SLC44A5: variants seen among roughly 807,000 people sequenced by gnomAD.
The protein encoded by SLC44A5 is choline transporter-like protein 5.
Under a neutral mutation model 101.8 loss-of-function variants are expected in SLC44A5, and 57 were observed. That is an observed-to-expected ratio of 0.56 (90% CI 0.45 to 0.70). SLC44A5 has a LOEUF of 0.70. Ranked by LOEUF, SLC44A5 falls within the 30% of genes least tolerant of loss-of-function variation. The pLI is 0.00. For synonymous variants in SLC44A5, 281 were observed against 290.9 expected (o/e 0.97, Z 0.35); for missense variants, 737 against 853.1 (o/e 0.86, Z 1.70).
intron 2 of SLC44A5, among the ~76,000 whole-genome samples, chr1:75,443,068 A>G (rs961254462): frequency 6.6e-6 from 1 of 152,178 alleles, no homozygotes; most frequent in Non-Finnish European, 1.5e-5. Context: ...TGTGAAAGCA[A>G]TACTTTGAGG....
intron 6 of SLC44A5, among the ~76,000 whole-genome samples, chr1:75,268,372 T>C (rs1651179502): frequency 6.6e-6 from 1 of 152,098 alleles, no homozygotes; most frequent in African/African-American, 2.4e-5. Context: ...CACCAGTCAT[T>C]CTCTGTTAGG....
At chr1:75,442,754 T>C (rs776885062) in intron 2 of SLC44A5, among the ~76,000 whole-genome samples, 6 of 152,120 alleles carry the variant, frequency 3.9e-5, no homozygotes, top group Non-Finnish European at 8.8e-5. Context: ...TTCCCCCTAC[T>C]GCAAAACCCT....
intron 4 of SLC44A5, among the ~76,000 whole-genome samples, chr1:75,310,693 CAAAT>C (rs778273248): frequency 6.6e-6 from 1 of 152,030 alleles, no homozygotes; most frequent in Non-Finnish European, 1.5e-5. Flanking sequence ...ATGGATTGTG[CAAAT>C]AATATGGGCT....
intron 2 of SLC44A5, among the ~76,000 whole-genome samples, chr1:75,429,997 G>A (rs548066660): frequency 3.4e-4 from 52 of 152,268 alleles, no homozygotes; most frequent in Non-Finnish European, 6.2e-4. Context: ...GTCTCACAGA[G>A]CTTTCTAATA....
chr1:75,480,108 C>T (rs1381218957), intron 2 of SLC44A5, among the ~76,000 whole-genome samples: 2 of 152,160 alleles, frequency 1.3e-5, no homozygotes, highest in Non-Finnish European at 2.9e-5. Flanking sequence ...ATATGCAAAT[C>T]AATAAATGTA....
In SLC44A5 at chr1:75,500,908, T is replaced by C. The variant is rs556309561; in HGVS notation, c.13+40527A>G. ...AGTTGTATGGCCTTGAACAAATCGA[T>C]GTATCATCTTGAAACCTCTTTGTTC... is the stretch of plus-strand genomic sequence containing the variant. On this transcript the variant is annotated intron_variant, in intron 2 of 23. Transcript: ENST00000370859. 7.2e-5 allele frequency among the ~76,000 whole-genome samples: 11 copies of C among 152,310 alleles called. No individual in the cohort carries two copies. The East Asian group carries it at 1.9e-3, about 27-fold the overall frequency.
At chr1:75,308,665 G>C (rs1037011259) in intron 4 of SLC44A5, among the ~76,000 whole-genome samples, 2 of 152,154 alleles carry the variant, frequency 1.3e-5, no homozygotes, top group Non-Finnish European at 2.9e-5. Flanking sequence ...GCTCTAGATA[G>C]CTTTGGGACA....
chr1:75,227,803 AC>A lies in SLC44A5; in HGVS notation c.907del (p.Val303TyrfsTer2). ...YTNLQERPSSVLTIYDIGIQT... is the reference protein window; with the variant it reads ...YTNLQERPSSXLTIYDIGIQT... Reference sequence around the variant, plus strand: ...AATCCCGATGTCATAGATAGTTAATACAGAACTTGGGCGTTCCTGAAGATTG... The same window carrying A: ...AATCCCGATGTCATAGATAGTTAATAAGAACTTGGGCGTTCCTGAAGATTG... On this transcript the variant is annotated frameshift_variant, in exon 13 of 24. Coordinates refer to ENST00000370859, the MANE Select transcript of SLC44A5 (RefSeq NM_001130058.2). LOFTEE classifies it high-confidence loss of function. The A allele has an allele frequency of 1.2e-6, 2 of 1,600,348 alleles. No homozygotes were observed. The highest frequency in any genetic ancestry group is 8.5e-7 in the Non-Finnish European group (1 of 1,176,346).
At chr1:75,557,528 G>C (rs114596177) in intron 1 of SLC44A5, among the ~76,000 whole-genome samples, 1 of 152,096 alleles carries the variant, frequency 6.6e-6, no homozygotes, top group African/African-American at 2.4e-5. Flanking sequence ...CATCTAGAAA[G>C]TTCTCTGGTG....
the SLC44A5 span, among the ~76,000 whole-genome samples, chr1:75,692,723 G>A: frequency 2.6e-5 from 4 of 152,010 alleles, no homozygotes; most frequent in Admixed American, 2.6e-4. Context: ...ACGAGAGAAG[G>A]GAGAGAAAAA....
At chr1:75,213,043 T>C (rs987534396) in intron 22 of SLC44A5, among the ~76,000 whole-genome samples, 14 of 152,256 alleles carry the variant, frequency 9.2e-5, no homozygotes, top group South Asian at 4.1e-4. Context: ...CATACAAAGG[T>C]CCAGCCTCTT....
Position 75,222,348 on chromosome 1 carries a change from T to C in SLC44A5, c.1085+13A>G. The C allele has an allele frequency of 3.1e-6, 5 of 1,594,704 alleles. No individual in the cohort carries two copies. The highest frequency in any genetic ancestry group is 4.3e-6 in the Non-Finnish European group (5 of 1,162,556). On this transcript the variant is annotated intron_variant, in intron 14 of 23. Coordinates refer to ENST00000370859, the MANE Select transcript of SLC44A5 (RefSeq NM_001130058.2). ...GATACACTTTAGCTGAGTTTCTACATTAAGGGCCTTACTTGCTTCCTTCCT... is the reference window on the plus strand; with the variant it reads ...GATACACTTTAGCTGAGTTTCTACACTAAGGGCCTTACTTGCTTCCTTCCT...
upstream of SLC44A5, chr1:75,615,790 C>T: frequency 1.1e-6 from 1 of 916,376 alleles, no homozygotes; most frequent in Non-Finnish European, 1.3e-6. Context: ...AACAGGCCGG[C>T]CCGAGGGGCA....
chr1:75,368,653 A>G (rs564733047), intron 3 of SLC44A5, among the ~76,000 whole-genome samples: 11,556 of 149,770 alleles, frequency 0.077, 617 homozygotes, highest in Non-Finnish European at 0.12. Context: ...GCACACACAC[A>G]CACACACACA....
At chr1:75,447,714 T>G (rs1014943519) in intron 2 of SLC44A5, among the ~76,000 whole-genome samples, 8 of 152,150 alleles carry the variant, frequency 5.3e-5, no homozygotes, top group Non-Finnish European at 1.0e-4. Flanking sequence ...CCTAATTTTT[T>G]CTTTTCTTTT....
At chr1:75,212,427 A>G (rs544094337) in intron 22 of SLC44A5, among the ~76,000 whole-genome samples, 1 of 152,228 alleles carries the variant, frequency 6.6e-6, no homozygotes, top group African/African-American at 2.4e-5. Context: ...ACAACTTATA[A>G]GTGAGAACAT....
chr1:75,713,606 A>T, the SLC44A5 span, among the ~76,000 whole-genome samples: 2 of 152,190 alleles, frequency 1.3e-5, no homozygotes, highest in African/African-American at 4.8e-5. Context: ...CTTTGGTGCT[A>T]CTTTGCAATG....
At chr1:75,410,333 G>A (rs562078855) in intron 2 of SLC44A5, among the ~76,000 whole-genome samples, 40 of 152,102 alleles carry the variant, frequency 2.6e-4, no homozygotes, top group Non-Finnish European at 3.5e-4. Context: ...TTAATTACCT[G>A]CCATGCCTAT....
chr1:75,697,660 G>A, the SLC44A5 span, among the ~76,000 whole-genome samples: 4 of 152,144 alleles, frequency 2.6e-5, no homozygotes, highest in Non-Finnish European at 5.9e-5. Flanking sequence ...CAAGATGGCC[G>A]AATAGGGACA....
Sources: gnomAD v4.1 joint callset for allele counts (sites outside exome capture counted in the v4.1 genomes callset) on GRCh38, gnomAD v4.1.1 for gene constraint, MANE v1.5 for transcripts, NCBI Gene and HGNC (gene_info 2026-07-23, HGNC 2026-07-21) for gene names.